Variants in PLCB1 observed in about 807,000 individuals in gnomAD.
The protein encoded by PLCB1 is phospholipase C beta 1, also known as 1-phosphatidylinositol 4,5-bisphosphate phosphodiesterase beta-1.
In PLCB1, 46 loss-of-function variants were observed where a neutral mutation model predicts 161.8. The observed-to-expected ratio is 0.28, with a 90% confidence interval of 0.22 to 0.36. The LOEUF (loss-of-function observed/expected upper bound fraction) is 0.36, where lower values mean the gene tolerates loss of function less well. Among genes scored for constraint, PLCB1 ranks in the 10% least tolerant of loss-of-function variants. The pLI, the probability that PLCB1 is intolerant of heterozygous loss-of-function variation, is 1.00. For synonymous variants in PLCB1, 517 were observed against 503.7 expected, an observed-to-expected ratio of 1.03 and a Z score of -0.35; for missense variants, 1,016 against 1,472.5, an observed-to-expected ratio of 0.69 and a Z score of 5.07.
intron 3 of PLCB1, among the ~76,000 whole-genome samples, chr20:8,391,783 G>GA (rs1271351493): frequency 1.2e-5 from 1 of 83,302 alleles, no homozygotes; most frequent in Non-Finnish European, 2.2e-5. Flanking sequence ...ATATATGTGT[G>GA]TGTATATATA....
At chr20:8,490,923 A>G (rs1036606863) in intron 3 of PLCB1, among the ~76,000 whole-genome samples, 4 of 147,142 alleles carry the variant, frequency 2.7e-5, no homozygotes, top group Non-Finnish European at 6.2e-5. Context: ...CATATATATT[A>G]GCATATATGT....
intron 2 of PLCB1, among the ~76,000 whole-genome samples, chr20:8,323,130 T>C (rs1409682519): frequency 1.3e-5 from 2 of 152,166 alleles, no homozygotes; most frequent in East Asian, 3.9e-4. Flanking sequence ...CTTGATTATA[T>C]GCACAGCTTG....
intron 5 of PLCB1, among the ~76,000 whole-genome samples, chr20:8,647,656 C>T (rs1989203415): frequency 1.3e-5 from 2 of 152,124 alleles, no homozygotes; most frequent in African/African-American, 4.8e-5. Flanking sequence ...CAAAAGTAAT[C>T]TATGCTATTT....
At chr20:8,257,471 A>T (rs1050169025) in intron 2 of PLCB1, among the ~76,000 whole-genome samples, 1 of 152,168 alleles carries the variant, frequency 6.6e-6, no homozygotes, top group African/African-American at 2.4e-5. Context: ...AATGAGAGAG[A>T]TAATATTACA....
intron 3 of PLCB1, among the ~76,000 whole-genome samples, chr20:8,417,394 A>G (rs1163868379): frequency 6.6e-6 from 1 of 151,792 alleles, no homozygotes; most frequent in South Asian, 2.1e-4. Context: ...ATATATGTAT[A>G]TAACAAATCA....
chr20:8,614,330 T>A (rs1273028094), intron 3 of PLCB1, among the ~76,000 whole-genome samples: 1 of 149,886 alleles, frequency 6.7e-6, no homozygotes, highest in Non-Finnish European at 1.5e-5. Flanking sequence ...AAGTATTCAA[T>A]TATATATATA....
At chr20:8,146,102 T>G (rs888840304) in intron 1 of PLCB1, among the ~76,000 whole-genome samples, 3 of 103,252 alleles carry the variant, frequency 2.9e-5, no homozygotes, top group Non-Finnish European at 5.5e-5. Context: ...TTTTGTTTTT[T>G]TTGTTTTTTT....
rs1332994041 is a variant in PLCB1 at position 8,884,594 on chromosome 20, A to G, written c.*2745A>G. Reference sequence around the variant, plus strand: ...GATAAGCTGTCATTAAGTAATTCCCAAAAAAAGGGCCATTTGCTTGCATTA... The same window carrying G: ...GATAAGCTGTCATTAAGTAATTCCCGAAAAAAGGGCCATTTGCTTGCATTA... On this transcript the variant is annotated 3_prime_UTR_variant, in exon 32 of 32. Coordinates refer to ENST00000338037, the MANE Select transcript of PLCB1 (RefSeq NM_015192.4). 1 of 152,640 alleles carries G rather than the reference A, an allele frequency of 6.6e-6. No homozygotes were observed. Among genetic ancestry groups the G allele is most frequent in the South Asian group, 2.1e-4 (1 of 4,822 alleles). 9.5% of individuals were successfully genotyped at this position (152,640 alleles called of 1,614,324 possible).
intron 31 of PLCB1, among the ~76,000 whole-genome samples, chr20:8,807,027 G>A (rs536869495): frequency 2.6e-5 from 4 of 152,272 alleles, no homozygotes; most frequent in South Asian, 4.2e-4. Context: ...ATAGATTCCC[G>A]AGGGCTGTTG....
chr20:8,205,622 C>T (rs1017557096), intron 2 of PLCB1, among the ~76,000 whole-genome samples: 1 of 152,018 alleles, frequency 6.6e-6, no homozygotes, highest in Non-Finnish European at 1.5e-5. Flanking sequence ...AATTATGGCA[C>T]TTGTGAGATA....
At chr20:8,824,529 A>T (rs1985593658) in intron 31 of PLCB1, among the ~76,000 whole-genome samples, 1 of 152,152 alleles carries the variant, frequency 6.6e-6, no homozygotes, top group East Asian at 1.9e-4. Context: ...GATGAGAAAG[A>T]GTGTGTGATA....
chr20:8,645,026 C>G (rs1989122086), intron 4 of PLCB1, among the ~76,000 whole-genome samples: 1 of 152,160 alleles, frequency 6.6e-6, no homozygotes, highest in South Asian at 2.1e-4. Context: ...ACCCCCAACC[C>G]TGTGCTCTCT....
At chr20:8,748,932 C>A (rs1455815305) in intron 23 of PLCB1, among the ~76,000 whole-genome samples, 1 of 152,060 alleles carries the variant, frequency 6.6e-6, no homozygotes, top group African/African-American at 2.4e-5. Flanking sequence ...ATGTTGTATG[C>A]CTTGAATTTA....
At chr20:8,592,410 A>G (rs1372398531) in intron 3 of PLCB1, among the ~76,000 whole-genome samples, 3 of 152,252 alleles carry the variant, frequency 2.0e-5, no homozygotes, top group Non-Finnish European at 4.4e-5. Context: ...TACAGAGCAG[A>G]GAATAAGCAA....
intron 3 of PLCB1, among the ~76,000 whole-genome samples, chr20:8,471,206 T>C (rs1302629213): frequency 1.3e-5 from 2 of 152,194 alleles, no homozygotes; most frequent in African/African-American, 4.8e-5. Flanking sequence ...GCTTAATAAG[T>C]CTGGAGAACC....
chr20:8,298,755 A>T (rs1983754209), intron 2 of PLCB1, among the ~76,000 whole-genome samples: 1 of 152,198 alleles, frequency 6.6e-6, no homozygotes, highest in African/African-American at 2.4e-5. Context: ...TTAATTTCAG[A>T]AGTATTTATT....
At chr20:8,759,319 G>T (rs1021823980) in intron 24 of PLCB1, among the ~76,000 whole-genome samples, 1 of 152,046 alleles carries the variant, frequency 6.6e-6, no homozygotes, top group Non-Finnish European at 1.5e-5. Flanking sequence ...TGGTTAAGGT[G>T]GTTTCTCCAC....
chr20:8,810,455 G>A (rs374804153), intron 31 of PLCB1, among the ~76,000 whole-genome samples: 3 of 152,044 alleles, frequency 2.0e-5, no homozygotes, highest in South Asian at 4.1e-4. Flanking sequence ...AGGAATTCAA[G>A]CAGAAAAGGT....
chr20:8,770,071 G>A (rs995615120), intron 26 of PLCB1, among the ~76,000 whole-genome samples: 4 of 152,200 alleles, frequency 2.6e-5, no homozygotes, highest in African/African-American at 9.6e-5. Flanking sequence ...TCCTGCCTCA[G>A]CCTCCTGAGT....
Sources: gnomAD v4.1 joint callset for allele counts (sites outside exome capture counted in the v4.1 genomes callset) on GRCh38, gnomAD v4.1.1 for gene constraint, MANE v1.5 for transcripts, NCBI Gene and HGNC (gene_info 2026-07-23, HGNC 2026-07-21) for gene names.